RBFOX1: variants seen among roughly 807,000 people sequenced by gnomAD.
RBFOX1 encodes RNA binding protein fox-1 homolog 1.
RBFOX1 carries 8 observed loss-of-function variants against 57.7 expected under a neutral mutation model. That is an observed-to-expected ratio of 0.14 (90% CI 0.08 to 0.25). The LOEUF (loss-of-function observed/expected upper bound fraction) is 0.25, where lower values mean the gene tolerates loss of function less well. Among genes scored for constraint, RBFOX1 ranks in the 10% least tolerant of loss-of-function variants. RBFOX1 has a pLI of 1.00. For missense variants in RBFOX1, 611 were observed against 548.5 expected (o/e 1.11, Z -1.14); for synonymous variants, 326 against 222.4 (o/e 1.47, Z -4.15).
intron 3 of RBFOX1, among the ~76,000 whole-genome samples, chr16:6,882,460 G>T (rs2063144365): frequency 6.6e-6 from 1 of 152,056 alleles, no homozygotes. Flanking sequence ...TGGGCATGGT[G>T]GTACGTGCTT....
intron 2 of RBFOX1, among the ~76,000 whole-genome samples, chr16:6,569,319 A>G (rs550821166): frequency 6.6e-6 from 1 of 152,346 alleles, no homozygotes; most frequent in South Asian, 2.1e-4. Context: ...GCTGTAGAAT[A>G]GGATCCTAGT....
chr16:7,393,907 A>T (rs1328704657), intron 4 of RBFOX1, among the ~76,000 whole-genome samples: 1 of 152,058 alleles, frequency 6.6e-6, no homozygotes, highest in African/African-American at 2.4e-5. Flanking sequence ...ATGGTTCATC[A>T]AGCTAGGGAG....
intron 2 of RBFOX1, among the ~76,000 whole-genome samples, chr16:6,379,156 G>A (rs181172066): frequency 2.0e-4 from 30 of 152,268 alleles, no homozygotes; most frequent in Non-Finnish European, 3.8e-4. Context: ...GAAGAAAGAT[G>A]CTGTGCTCAT....
intron 4 of RBFOX1, among the ~76,000 whole-genome samples, chr16:7,197,624 G>C (rs1428036572): frequency 6.6e-6 from 1 of 152,126 alleles, no homozygotes; most frequent in Non-Finnish European, 1.5e-5. Context: ...AATGTGTACA[G>C]AAATGTTCAT....
chr16:5,741,978 C>A (rs762481036), intron 3 of RBFOX1, among the ~76,000 whole-genome samples: 2 of 152,280 alleles, frequency 1.3e-5, no homozygotes, highest in South Asian at 4.1e-4. Flanking sequence ...AGAAATACTC[C>A]TCTCTTCTCA....
At chr16:6,094,007 A>G (rs2096212530) in intron 1 of RBFOX1, among the ~76,000 whole-genome samples, 1 of 152,076 alleles carries the variant, frequency 6.6e-6, no homozygotes, top group African/African-American at 2.4e-5. Context: ...TTTTTTAGGT[A>G]ATCTGTGTTC....
chr16:5,292,948 C>T (rs760994033), intron 1 of RBFOX1, among the ~76,000 whole-genome samples: 1 of 152,028 alleles, frequency 6.6e-6, no homozygotes, highest in African/African-American at 2.4e-5. Flanking sequence ...AAGCACATTT[C>T]TCTCAAATTA....
In RBFOX1 at chr16:7,712,715, G is replaced by A. The variant is rs930562288; in HGVS notation, c.*1970G>A. ...GGAAAACAGTGTTATGGCAATGGGTGCCTGGTTGATGTTCTTAAAGGAAAC... is the reference window on the plus strand; with the variant it reads ...GGAAAACAGTGTTATGGCAATGGGTACCTGGTTGATGTTCTTAAAGGAAAC... On this transcript the variant is annotated 3_prime_UTR_variant, in exon 16 of 16. Transcript: ENST00000550418. The A allele has an allele frequency of 2.6e-5, 4 of 152,188 alleles. No individual in the cohort carries two copies. The highest frequency in any genetic ancestry group is 5.9e-5 in the Non-Finnish European group (4 of 68,042). The allele number at this position is 152,188 out of a possible 1,614,324, so 9.4% of individuals were successfully genotyped here. A position where few individuals can be genotyped will look rare whatever the true frequency, so the allele number is the denominator to read the frequency against.
At chr16:7,569,578 C>T (rs1020468776) in intron 5 of RBFOX1, among the ~76,000 whole-genome samples, 2 of 152,158 alleles carry the variant, frequency 1.3e-5, no homozygotes, top group African/African-American at 2.4e-5. Context: ...GATTAGCAAC[C>T]TTAATTCTCC....
intron 4 of RBFOX1, among the ~76,000 whole-genome samples, chr16:7,458,891 G>A (rs1202717555): frequency 2.0e-5 from 3 of 152,158 alleles, no homozygotes; most frequent in African/African-American, 7.2e-5. Flanking sequence ...CTGTCTTTCT[G>A]CACTAGCATG....
chr16:5,466,926 C>A (rs1757268142), intron 1 of RBFOX1, among the ~76,000 whole-genome samples: 1 of 152,178 alleles, frequency 6.6e-6, no homozygotes, highest in Non-Finnish European at 1.5e-5. Context: ...TCATTCTGAT[C>A]TGATCTTCAT....
At chr16:5,579,672 C>T (rs772381946) in intron 2 of RBFOX1, among the ~76,000 whole-genome samples, 1 of 152,192 alleles carries the variant, frequency 6.6e-6, no homozygotes, top group African/African-American at 2.4e-5. Context: ...CAACTGGGTA[C>T]ACCAGGTAAG....
chr16:5,371,963 G>A (rs906242213), intron 1 of RBFOX1, among the ~76,000 whole-genome samples: 24 of 152,228 alleles, frequency 1.6e-4, no homozygotes, highest in African/African-American at 4.3e-4. Flanking sequence ...TTCATGCCGC[G>A]TTTTAATGGA....
intron 3 of RBFOX1, among the ~76,000 whole-genome samples, chr16:5,726,331 A>C (rs1236635703): frequency 6.6e-6 from 1 of 152,062 alleles, no homozygotes; most frequent in Non-Finnish European, 1.5e-5. Context: ...TCTTTTCATG[A>C]ACCATGCTAT....
chr16:6,209,099 T>G (rs970937381), intron 1 of RBFOX1, among the ~76,000 whole-genome samples: 1 of 152,156 alleles, frequency 6.6e-6, no homozygotes, highest in East Asian at 1.9e-4. Flanking sequence ...GAGGACAACA[T>G]AGAAAGCAGG....
rs558013915 is a variant in RBFOX1 at position 6,655,967 on chromosome 16, G to C, written c.-16+1317G>C. 2.6e-5 allele frequency among the ~76,000 whole-genome samples: 4 copies of C among 152,252 alleles called. No individual in the cohort carries two copies. The South Asian group carries it at 8.3e-4, about 32-fold the overall frequency. On this transcript the variant is annotated intron_variant, in intron 3 of 15. Coordinates refer to ENST00000550418, the MANE Select transcript of RBFOX1 (RefSeq NM_018723.4). ...AGGGAGTGTTAATCTCCTCACATTGGGAAGAATAATGATACAGTAAGTTCA... is the reference window on the plus strand; with the variant it reads ...AGGGAGTGTTAATCTCCTCACATTGCGAAGAATAATGATACAGTAAGTTCA...
chr16:5,870,790 A>T (rs923801157), intron 4 of RBFOX1, among the ~76,000 whole-genome samples: 1 of 152,150 alleles, frequency 6.6e-6, no homozygotes, highest in Non-Finnish European at 1.5e-5. Context: ...TATTCATGGC[A>T]TGTTCTGTTA....
intron 3 of RBFOX1, among the ~76,000 whole-genome samples, chr16:5,798,737 C>A (rs574830112): frequency 6.6e-6 from 1 of 152,172 alleles, no homozygotes. Flanking sequence ...TTCGTTGTGG[C>A]AGAAGGAAAA....
intron 3 of RBFOX1, among the ~76,000 whole-genome samples, chr16:6,867,208 A>T (rs769126335): frequency 2.0e-5 from 3 of 152,124 alleles, no homozygotes; most frequent in Non-Finnish European, 4.4e-5. Context: ...ATGAAGCTAT[A>T]TAAGTCTTTC....
Sources: gnomAD v4.1 joint callset for allele counts (sites outside exome capture counted in the v4.1 genomes callset) on GRCh38, gnomAD v4.1.1 for gene constraint, MANE v1.5 for transcripts, NCBI Gene and HGNC (gene_info 2026-07-23, HGNC 2026-07-21) for gene names.